Variants in CACNA2D3 observed in about 807,000 individuals in gnomAD.
CACNA2D3 encodes voltage-dependent calcium channel subunit alpha-2/delta-3.
CACNA2D3 carries 60 observed loss-of-function variants against 160.6 expected under a neutral mutation model. That is an observed-to-expected ratio of 0.37 (90% CI 0.30 to 0.46). The LOEUF is 0.46. CACNA2D3 is among the 20% of genes least tolerant of loss of function. CACNA2D3 has a pLI of 1.00. For synonymous variants in CACNA2D3, 558 were observed against 492.9 expected (o/e 1.13, Z -1.75); for missense variants, 1,205 against 1,365.0 (o/e 0.88, Z 1.85).
At chr3:54,326,838 G>C (rs1704130336) in intron 3 of CACNA2D3, among the ~76,000 whole-genome samples, 1 of 152,142 alleles carries the variant, frequency 6.6e-6, no homozygotes, top group Non-Finnish European at 1.5e-5. Flanking sequence ...TACTTTGAAA[G>C]AGCAGTACAT....
At position 54,285,100 on chromosome 3, in the gene CACNA2D3, C is replaced by T. The variant is rs528216864; in HGVS notation, c.205-35342C>T. Among the ~76,000 whole-genome samples the T allele has an allele frequency of 3.0e-4, 46 of 152,274 alleles. No individual in the cohort carries two copies. In the South Asian group the frequency reaches 3.3e-3, roughly 11 times the overall value. On this transcript the variant is annotated intron_variant, in intron 2 of 37. Coordinates refer to ENST00000474759, the MANE Select transcript of CACNA2D3 (RefSeq NM_018398.3). ...AGTGGGTGCAGGACAGTGGGTGCAG[C>T]GCACCGTGCGCGAGCCGAAGCAGGA...
At chr3:55,011,353 T>C (rs1703208802) in intron 34 of CACNA2D3, among the ~76,000 whole-genome samples, 1 of 152,156 alleles carries the variant, frequency 6.6e-6, no homozygotes, top group Non-Finnish European at 1.5e-5. Flanking sequence ...TGACAGTGAG[T>C]GCCCCAAATC....
At chr3:54,784,612 G>A (rs1257607935) in intron 13 of CACNA2D3, among the ~76,000 whole-genome samples, 1 of 152,198 alleles carries the variant, frequency 6.6e-6, no homozygotes, top group Non-Finnish European at 1.5e-5. Context: ...TGCAGGAAAG[G>A]AGTTGGGGCC....
At chr3:54,860,765 C>A (rs1381364020) in intron 17 of CACNA2D3, among the ~76,000 whole-genome samples, 1 of 152,150 alleles carries the variant, frequency 6.6e-6, no homozygotes, top group Non-Finnish European at 1.5e-5. Context: ...TGGAGCAGAG[C>A]AGTCTCTGAG....
intron 4 of CACNA2D3, among the ~76,000 whole-genome samples, chr3:54,499,529 C>G (rs1701254486): frequency 6.6e-6 from 1 of 152,078 alleles, no homozygotes; most frequent in African/African-American, 2.4e-5. Flanking sequence ...CTTTTCTCTT[C>G]TGATACATGT....
intron 11 of CACNA2D3, among the ~76,000 whole-genome samples, chr3:54,721,436 C>T (rs1015151372): frequency 3.3e-5 from 5 of 151,992 alleles, no homozygotes; most frequent in East Asian, 3.9e-4. Flanking sequence ...TACAGAATTC[C>T]GAGGCTTACA....
chr3:54,653,940 T>C (rs1462651950), intron 11 of CACNA2D3, among the ~76,000 whole-genome samples: 1 of 152,168 alleles, frequency 6.6e-6, no homozygotes, highest in East Asian at 1.9e-4. Context: ...AATCCTCTCC[T>C]CTGCTGGTGT....
intron 9 of CACNA2D3, among the ~76,000 whole-genome samples, chr3:54,611,180 A>C (rs1559526053): frequency 6.6e-6 from 1 of 152,230 alleles, no homozygotes; most frequent in Non-Finnish European, 1.5e-5. Context: ...GTGTGAATAC[A>C]GCCTAGCTGG....
intron 13 of CACNA2D3, among the ~76,000 whole-genome samples, chr3:54,793,552 G>T (rs1028533621): frequency 6.6e-6 from 1 of 152,094 alleles, no homozygotes; most frequent in South Asian, 2.1e-4. Context: ...ACAGAGTAAC[G>T]GGGTCAGGTT....
At chr3:54,583,411 G>A (rs1702710678) in intron 9 of CACNA2D3, among the ~76,000 whole-genome samples, 1 of 152,108 alleles carries the variant, frequency 6.6e-6, no homozygotes, top group African/African-American at 2.4e-5. Context: ...AAACTAATCT[G>A]GACTTCTTAT....
At chr3:54,805,748 A>G (rs557355323) in intron 13 of CACNA2D3, among the ~76,000 whole-genome samples, 1 of 152,332 alleles carries the variant, frequency 6.6e-6, no homozygotes, top group Non-Finnish European at 1.5e-5. Flanking sequence ...AGACACAACC[A>G]AAAAAGAGAA....
At chr3:55,059,159 G>T (rs1704439073) in intron 35 of CACNA2D3, among the ~76,000 whole-genome samples, 1 of 152,042 alleles carries the variant, frequency 6.6e-6, no homozygotes, top group African/African-American at 2.4e-5. Context: ...CTTTTATTCA[G>T]GCTTCCTGAT....
chr3:54,414,464 A>G (rs1048925578), intron 4 of CACNA2D3, among the ~76,000 whole-genome samples: 1 of 152,096 alleles, frequency 6.6e-6, no homozygotes, highest in Non-Finnish European at 1.5e-5. Flanking sequence ...TTATTTTGCA[A>G]TTTAGAGGGA....
intron 4 of CACNA2D3, among the ~76,000 whole-genome samples, chr3:54,389,727 A>G (rs1699248378): frequency 6.6e-6 from 1 of 152,220 alleles, no homozygotes; most frequent in Non-Finnish European, 1.5e-5. Flanking sequence ...TCTACAGAGT[A>G]ACTGTCTGGA....
chr3:54,666,884 G>A (rs1323023454), intron 11 of CACNA2D3, among the ~76,000 whole-genome samples: 1 of 152,148 alleles, frequency 6.6e-6, no homozygotes, highest in Non-Finnish European at 1.5e-5. Flanking sequence ...TCCTCTGTCT[G>A]GCTCGTCACC....
intron 11 of CACNA2D3, among the ~76,000 whole-genome samples, chr3:54,747,957 A>AT (rs1701786187): frequency 6.6e-6 from 1 of 152,198 alleles, no homozygotes. Flanking sequence ...TTCTCTATGA[A>AT]TTTGCCATTT....
At chr3:54,931,658 A>T (rs1701194799) in intron 27 of CACNA2D3, among the ~76,000 whole-genome samples, 1 of 152,224 alleles carries the variant, frequency 6.6e-6, no homozygotes, top group African/African-American at 2.4e-5. Context: ...ATGCACCCGT[A>T]GAGTAAAATT....
At chr3:54,888,229 A>G (rs1224456518) in intron 24 of CACNA2D3, among the ~76,000 whole-genome samples, 177 bp downstream of exon 24, 1 of 152,234 alleles carries the variant, frequency 6.6e-6, no homozygotes, top group Non-Finnish European at 1.5e-5. Flanking sequence ...TTGGATGGCA[A>G]GCTCCTGGCT....
chr3:54,375,908 A>T (rs1284176433), intron 3 of CACNA2D3, among the ~76,000 whole-genome samples: 1 of 152,112 alleles, frequency 6.6e-6, no homozygotes, highest in Admixed American at 6.5e-5. Context: ...TGTATTTTGG[A>T]GGGAGAGCCC....
Sources: allele counts gnomAD v4.1 joint callset (sites outside exome capture counted in the v4.1 genomes callset), GRCh38; gene constraint gnomAD v4.1.1; transcripts MANE v1.5; gene names NCBI Gene and HGNC (gene_info 2026-07-23, HGNC 2026-07-21).